Variants in OPLAH observed in about 807,000 individuals in gnomAD.
OPLAH encodes the protein 5-oxoprolinase, ATP-hydrolysing, also known as 5-oxoprolinase.
Under a neutral mutation model 122.8 loss-of-function variants are expected in OPLAH, and 103 were observed. The observed-to-expected ratio is 0.84, with a 90% CI of 0.71 to 0.99. OPLAH has a LOEUF of 0.99. OPLAH is among the 50% of genes least tolerant of loss of function. OPLAH has a pLI of 0.00. For missense variants in OPLAH, 1,902 were observed against 1,836.5 expected, an observed-to-expected ratio of 1.04 and a Z score of -0.65; for synonymous variants, 875 against 796.0, an observed-to-expected ratio of 1.10 and a Z score of -1.67.
rs782095658 is a variant in OPLAH, at chr8:144,058,163, G to A, written c.950-15C>T. ...CGTGGACGTGCCTGGCAGGGGTGGG[G>A]TGCTGGTGGGTCACTTGAAGACCCA... is the stretch of plus-strand genomic sequence containing the variant. On this transcript the variant is annotated splice_polypyrimidine_tract_variant and intron_variant, in intron 7 of 26. Coordinates refer to ENST00000618853, the MANE Select transcript of OPLAH (RefSeq NM_017570.5). 3.1e-6 allele frequency: 5 copies of A among 1,611,638 alleles called. No individual in the cohort carries two copies. The highest frequency in any genetic ancestry group is 4.5e-5 in the East Asian group (2 of 44,872).
intron 7 of OPLAH, 33 bp downstream of exon 7, chr8:144,058,206 C>T: frequency 6.2e-7 from 1 of 1,604,440 alleles, no homozygotes. Context: ...AGCAGCTGAG[C>T]CTCCCCGAGA....
chr8:144,058,027 A>G lies in OPLAH; in HGVS notation c.1071T>C (p.Gly357=). The change falls in exon 8 of 27, where the codon GGT becomes GGC. Residue 357 remains glycine, a synonymous_variant. Transcript: ENST00000618853. ...GAGCTGACCTGAAGAAGAGGCGGGAACCCCCTCCCGCTGCCACGGTGTTGA... is the reference window on the plus strand; with the variant it reads ...GAGCTGACCTGAAGAAGAGGCGGGAGCCCCCTCCCGCTGCCACGGTGTTGA... ...LDINTVAAGG[G]SRLFFRSGLF... 6.2e-7 allele frequency: 1 copy of G among 1,612,114 alleles called. No individual in the cohort carries two copies. The highest frequency in any genetic ancestry group is 1.3e-5 in the African/African-American group (1 of 74,916).
chr8:144,059,743 A>G lies in OPLAH; in HGVS notation c.219T>C (p.His73=). The stretch of plus-strand genomic sequence containing the variant: ...TGGTGCCCATGCGGATGCTGGCGAT[A>G]TGACTGGAGTCCAGCGGCTGGTCCC... ...LPRDQPLDSS[H]IASIRMGTTV... is the part of the protein sequence containing the mutation. Residue 73 remains histidine (H), a synonymous_variant, in exon 3 of 27, where the codon CAT becomes CAC. Transcript: ENST00000618853. The G allele has an allele frequency of 6.2e-7, 1 of 1,610,522 alleles. No individual in the cohort carries two copies. The highest frequency in any genetic ancestry group is 8.5e-7 in the Non-Finnish European group (1 of 1,179,574).
In OPLAH at chr8:144,054,657, G is replaced by C; in HGVS notation, c.2590C>G (p.Pro864Ala). 6.2e-7 allele frequency: 1 copy of C among 1,612,518 alleles called. No homozygotes were observed. The highest frequency in any genetic ancestry group is 8.5e-7 in the Non-Finnish European group (1 of 1,179,740). The change falls in exon 19 of 27, where the codon CCA (proline) becomes GCA (alanine). Residue 864 changes from proline to alanine, a missense_variant. Pro to Ala is a conservative substitution (Grantham distance 27). Coordinates refer to ENST00000618853, the MANE Select transcript of OPLAH (RefSeq NM_017570.5). ...GTGGAGTGGGGGGGCATGGAGCCTG[G>C]TGTGATGCCCCCGATGTCTGCGTGG... is the stretch of plus-strand genomic sequence containing the variant. Reference protein sequence around the residue: ...GHHADIGGITPGSMPPHSTML... With the variant: ...GHHADIGGITAGSMPPHSTML...
intron 21 of OPLAH, 39 bp from the exon 22 acceptor site, chr8:144,052,939 G>A (rs781874746): frequency 3.8e-6 from 6 of 1,570,928 alleles, no homozygotes; most frequent in Non-Finnish European, 5.2e-6. Context: ...GTCAGCGGCC[G>A]CACCGTGCCC....
intron 15 of OPLAH, 98 bp from the exon 16 acceptor site, chr8:144,056,037 T>C (rs1835504906): frequency 1.3e-6 from 2 of 1,499,896 alleles, no homozygotes; most frequent in African/African-American, 2.8e-5. Context: ...CCAACGATGG[T>C]GGGATACAGA....
chr8:144,050,500 G>A, downstream of OPLAH: 1 of 985,338 alleles, frequency 1.0e-6, no homozygotes, highest in Non-Finnish European at 1.2e-6. Flanking sequence ...GAGCCAGGAG[G>A]CCCGGCCCCG....
Position 144,056,543 on chromosome 8 carries a change from C to T in OPLAH, c.1845-20G>A. ...ATGTACCTGCACTCCCCGCGGGGAC[C>T]CAAGGAGTGGTCAGAGTGAGGCGGC... On this transcript the variant is annotated intron_variant, in intron 13 of 26. Coordinates refer to ENST00000618853, the MANE Select transcript of OPLAH (RefSeq NM_017570.5). 6.2e-7 allele frequency: 1 copy of T among 1,612,216 alleles called. No individual in the cohort carries two copies. Among genetic ancestry groups the T allele is most frequent in the Admixed American group, 1.7e-5 (1 of 59,980 alleles).
chr8:144,052,706 G>A (rs1835414658), intron 22 of OPLAH, 60 bp downstream of exon 22: 2 of 1,543,618 alleles, frequency 1.3e-6, no homozygotes. Flanking sequence ...CTGGGCCCAG[G>A]AGGCGCACTC....
chr8:144,058,314 C>T lies in OPLAH; in HGVS notation c.874G>A (p.Gly292Ser), dbSNP rs529467010. The T allele has an allele frequency of 2.9e-5, 46 of 1,603,448 alleles. No homozygotes were observed. Among genetic ancestry groups the T allele is most frequent in the Admixed American group, 2.2e-4 (13 of 58,522 alleles). Residue 292 changes from glycine (G) to serine (S), a missense_variant, in exon 7 of 27, where the codon GGC (glycine) becomes AGC (serine). Physicochemically the swap from Gly to Ser is moderately conservative, Grantham distance 56. This residue lies in a region of OPLAH where 1,726 missense variants were observed against 1,642.1 expected (regional missense o/e 1.05). Coordinates refer to ENST00000618853, the MANE Select transcript of OPLAH (RefSeq NM_017570.5). ...GTGGCTGAGTAGCCCACCACGCCGCCGGCCGGGCCCGAGAGCACAGCACTG... is the reference window on the plus strand; with the variant it reads ...GTGGCTGAGTAGCCCACCACGCCGCTGGCCGGGCCCGAGAGCACAGCACTG... ...GSSAVLSGPAGGVVGYSATTY... is the reference protein window; with the variant it reads ...GSSAVLSGPASGVVGYSATTY...
At chr8:144,051,249 C>T (rs1554757554), downstream of OPLAH, 2 of 1,587,270 alleles carry the variant, frequency 1.3e-6, no homozygotes, top group Middle Eastern at 1.7e-4. Flanking sequence ...CGCACAGACA[C>T]GACTCGGAGC....
chr8:144,052,460 C>T lies in OPLAH; in HGVS notation c.3292G>A (p.Ala1098Thr), dbSNP rs940495808. 2.6e-6 allele frequency: 4 copies of T among 1,540,120 alleles called. No individual in the cohort carries two copies. The highest frequency in any genetic ancestry group is 1.4e-5 in the African/African-American group (1 of 73,132). Residue 1098 changes from alanine (A) to threonine (T), a missense_variant, in exon 23 of 27, where the codon GCC becomes ACC. This residue lies in a region of OPLAH where 1,726 missense variants were observed against 1,642.1 expected (regional missense o/e 1.05). Coordinates refer to ENST00000618853, the MANE Select transcript of OPLAH (RefSeq NM_017570.5). ...DVILGAFGAC[A>T]ASQGCMNNVT... ...CCCCGCCCCCGCACCTGGGAGGCGG[C>T]GCAGGCCCCAAAGGCCCCCAGGATG... is the stretch of plus-strand genomic sequence containing the variant.
Position 144,058,679 on chromosome 8 carries a change from A to G in OPLAH, c.600T>C (p.His200=), listed in dbSNP as rs781983272. 6.3e-7 allele frequency: 1 copy of G among 1,590,612 alleles called. No homozygotes were observed. The highest frequency in any genetic ancestry group is 1.1e-5 in the South Asian group (1 of 89,328). ...VLMHSYTWAQ[H]EQQVGVLARE... Reference sequence around the variant, plus strand: ...GGGCCAGCACACCCACCTGCTGCTCATGCTGGGCCCACCTATGACAAAAAC... The same window carrying G: ...GGGCCAGCACACCCACCTGCTGCTCGTGCTGGGCCCACCTATGACAAAAAC... The change falls in exon 6 of 27, where the codon CAT becomes CAC. Residue 200 remains histidine (H), a synonymous_variant. Transcript: ENST00000618853.
Position 144,059,113 on chromosome 8 carries a change from G to C in OPLAH, c.364-34C>G, listed in dbSNP as rs781875541. 37 of 1,515,182 alleles carry C rather than the reference G, an allele frequency of 2.4e-5. No individual in the cohort carries two copies. In the Admixed American group the frequency reaches 2.5e-4, roughly 10 times the overall value. The allele number at this position is 1,515,182 out of a possible 1,614,324, so 93.9% of individuals were successfully genotyped here. A position where few individuals can be genotyped will look rare whatever the true frequency, so the allele number is the denominator to read the frequency against. On this transcript the variant is annotated intron_variant, in intron 3 of 26. Transcript: ENST00000618853. The stretch of plus-strand genomic sequence containing the variant: ...GGGCAGAGACTCAGAAGAGGCCCAG[G>C]CCTGAGGGTCCAGGCCGGGGTCCTG...
intron 19 of OPLAH, 85 bp from the exon 20 acceptor site, chr8:144,053,478 T>C (rs909505753): frequency 5.9e-6 from 8 of 1,366,046 alleles, no homozygotes; most frequent in Non-Finnish European, 8.0e-6. Context: ...ACAAGGTCTC[T>C]GGCCCCTAGA....
At position 144,056,060 on chromosome 8, in the gene OPLAH, C is replaced by T. The variant is rs1835505474; in HGVS notation, c.2096+87G>A. ...GGTGGGATACAGAGTCCTGCAGGCC[C>T]CTGCAGCCTTGGGCCAGAGAACCCT... On this transcript the variant is annotated intron_variant, in intron 15 of 26. Coordinates refer to ENST00000618853, the MANE Select transcript of OPLAH (RefSeq NM_017570.5). 4 of 1,525,616 alleles carry T rather than the reference C, an allele frequency of 2.6e-6. No individual in the cohort carries two copies. The South Asian group carries it at 3.7e-5, about 14-fold the overall frequency. 94.5% of individuals were successfully genotyped at this position (1,525,616 alleles called of 1,614,324 possible). A position where few individuals can be genotyped will look rare whatever the true frequency, so the allele number is the denominator to read the frequency against.
chr8:144,055,990 C>T lies in OPLAH; in HGVS notation c.2097-51G>A. 1 of 1,506,336 alleles carries T rather than the reference C, an allele frequency of 6.6e-7. No individual in the cohort carries two copies. The highest frequency in any genetic ancestry group is 1.3e-5 in the South Asian group (1 of 78,034). The allele number at this position is 1,506,336 out of a possible 1,614,324, so 93.3% of individuals were successfully genotyped here. ...TGCATGGGGCCAGGCGACACCCCTC[C>T]AACCAGAGATGCCACGGCCCCAGGC... On this transcript the variant is annotated intron_variant, in intron 15 of 26. Coordinates refer to ENST00000618853, the MANE Select transcript of OPLAH (RefSeq NM_017570.5). This position sits in a 1 kb window ranked among gnomAD's most constrained non-coding sequence, Gnocchi z 6.5.
At chr8:144,054,338 G>T (rs1016239675) in intron 19 of OPLAH, among the ~76,000 whole-genome samples, 2 of 152,088 alleles carry the variant, frequency 1.3e-5, no homozygotes, top group Non-Finnish European at 2.9e-5. Flanking sequence ...CTCTCCACCC[G>T]CAAAACCACC....
chr8:144,057,273 T>G lies in OPLAH; in HGVS notation c.1470A>C (p.Gly490=), dbSNP rs782038765. The part of the protein sequence containing the change: ...PSAHVLACFG[G]AGGQHACAIA... Reference sequence around the variant, plus strand: ...TGGCACATGCATGCTGCCCACCAGCTCCCCCAAAGCAGGCCAGCACATGGG... The same window carrying G: ...TGGCACATGCATGCTGCCCACCAGCGCCCCCAAAGCAGGCCAGCACATGGG... The change falls in exon 11 of 27, where the codon GGA becomes GGC. Residue 490 remains glycine (G), a synonymous_variant. Coordinates refer to ENST00000618853, the MANE Select transcript of OPLAH (RefSeq NM_017570.5). The G allele has an allele frequency of 6.2e-7, 1 of 1,612,282 alleles. No individual in the cohort carries two copies. The highest frequency in any genetic ancestry group is 8.5e-7 in the Non-Finnish European group (1 of 1,179,742).
Sources: gnomAD v4.1 joint callset for allele counts (sites outside exome capture counted in the v4.1 genomes callset) on GRCh38, gnomAD v4.1.1 for gene constraint, gnomAD v4.1.1 regional missense constraint, Gnocchi (gnomAD v3.1) non-coding constraint, MANE v1.5 for transcripts, NCBI Gene and HGNC (gene_info 2026-07-23, HGNC 2026-07-21) for gene names.